The following ACKR3 variants were observed in gnomAD, a reference collection of about 807,000 sequenced individuals.
The protein encoded by ACKR3 is atypical chemokine receptor 3, also known as C-X-C chemokine receptor type 7.
ACKR3 carries 6 observed loss-of-function variants against 22.4 expected under a neutral mutation model. That is an observed-to-expected ratio of 0.27 (90% CI 0.15 to 0.53). The LOEUF is 0.53. Ranked by LOEUF, ACKR3 falls within the 20% of genes least tolerant of loss-of-function variation. The pLI is 0.96. For synonymous variants in ACKR3, 209 were observed against 205.2 expected (o/e 1.02, Z -0.16); for missense variants, 396 against 475.2 (o/e 0.83, Z 1.55).
chr2:236,573,603 T>A (rs1691352125), intron 1 of ACKR3, among the ~76,000 whole-genome samples: 1 of 152,224 alleles, frequency 6.6e-6, no homozygotes, highest in Non-Finnish European at 1.5e-5. Context: ...AGGGCCCAGA[T>A]GGCCAGAGGG....
In ACKR3 at chr2:236,574,270, G is replaced by T. The variant is rs1335422889; in HGVS notation, c.-27+4346G>T. ...CTGCTGGCCACAGTCGCTGGTCTTGGTGGGGCACGATTAACTGCTGGCTCA... is the reference window on the plus strand; with the variant it reads ...CTGCTGGCCACAGTCGCTGGTCTTGTTGGGGCACGATTAACTGCTGGCTCA... On this transcript the variant is annotated intron_variant, in intron 1 of 1. Coordinates refer to ENST00000272928, the MANE Select transcript of ACKR3 (RefSeq NM_020311.3). The surrounding 1 kb of genome is among the most constrained non-coding windows in gnomAD (Gnocchi z 5.6). Among the ~76,000 whole-genome samples the T allele has an allele frequency of 6.6e-6, 1 of 152,132 alleles. No individual in the cohort carries two copies. Among genetic ancestry groups the T allele is most frequent in the African/African-American group, 2.4e-5 (1 of 41,402 alleles).
Position 236,581,719 on chromosome 2 carries a change from G to A in ACKR3, c.*165G>A, listed in dbSNP as rs1177314783. 5.2e-5 allele frequency: 48 copies of A among 919,184 alleles called. No individual in the cohort carries two copies. The highest frequency in any genetic ancestry group is 7.1e-5 in the Non-Finnish European group (44 of 623,494). 56.9% of individuals were successfully genotyped at this position (919,184 alleles called of 1,614,324 possible). ...TCCATTCTCTCTTTCTCTTGATGACGCAGCTGTCATTTGGCTGTGCGTGCT... is the reference window on the plus strand; with the variant it reads ...TCCATTCTCTCTTTCTCTTGATGACACAGCTGTCATTTGGCTGTGCGTGCT... On this transcript the variant is annotated 3_prime_UTR_variant, in exon 2 of 2. Transcript: ENST00000272928. The surrounding 1 kb of genome is among the most constrained non-coding windows in gnomAD (Gnocchi z 4.4).
the ACKR3 span, among the ~76,000 whole-genome samples, chr2:236,546,672 C>T: frequency 2.6e-5 from 4 of 152,186 alleles, no homozygotes; most frequent in South Asian, 8.3e-4. This position sits in a 1 kb window ranked among gnomAD's most constrained non-coding sequence, Gnocchi z 4.9. Context: ...GTGCGCAGAG[C>T]ACCAGAGGCA....
At chr2:236,557,237 T>C in the ACKR3 span, among the ~76,000 whole-genome samples, 1 of 150,264 alleles carries the variant, frequency 6.7e-6, no homozygotes, top group East Asian at 1.9e-4. Flanking sequence ...TATGTGCATA[T>C]ATATTTTCAT....
intron 1 of ACKR3, among the ~76,000 whole-genome samples, chr2:236,571,101 G>A (rs1470696845): frequency 1.3e-5 from 2 of 152,208 alleles, no homozygotes. Flanking sequence ...AGCAAAGAAA[G>A]TGGAGGCTGC....
At chr2:236,552,206 G>C in the ACKR3 span, among the ~76,000 whole-genome samples, 2 of 152,208 alleles carry the variant, frequency 1.3e-5, no homozygotes, top group East Asian at 3.8e-4. Context: ...TGAAAGGAGA[G>C]TGAAAAGGGA....
intron 1 of ACKR3, 147 bp from the exon 2 acceptor site, chr2:236,580,293 C>T (rs1691491618): frequency 5.5e-6 from 4 of 728,908 alleles, no homozygotes; most frequent in African/African-American, 1.8e-5. Flanking sequence ...TTTTTTTTCT[C>T]CCTTCTTTGC....
Position 236,580,872 on chromosome 2 carries a change from C to T in ACKR3, c.407C>T (p.Thr136Met), listed in dbSNP as rs371788658. 1.4e-5 allele frequency: 22 copies of T among 1,614,106 alleles called. No individual in the cohort carries two copies. The highest frequency in any genetic ancestry group is 4.5e-5 in the East Asian group (2 of 44,906). The change falls in exon 2 of 2, where the codon ACG becomes ATG. Residue 136 changes from threonine (T) to methionine (M), a missense_variant. Thr to Met is a moderately conservative substitution (Grantham distance 81). Transcript: ENST00000272928. ...CTCTTCGGCAGCATTTTCTTCCTCA[C>T]GTGCATGAGCGTGGACCGCTACCTC... ...INLFGSIFFL[T>M]CMSVDRYLSI...
chr2:236,545,537 T>A, the ACKR3 span, among the ~76,000 whole-genome samples: 1 of 152,190 alleles, frequency 6.6e-6, no homozygotes, highest in African/African-American at 2.4e-5. This position sits in a 1 kb window ranked among gnomAD's most constrained non-coding sequence, Gnocchi z 5.3. Flanking sequence ...GTTTAGACGA[T>A]GATGTTCAAG....
At position 236,580,655 on chromosome 2, in the gene ACKR3, G is replaced by T. The variant is rs114269199; in HGVS notation, c.190G>T (p.Val64Leu). Residue 64 changes from valine (V) to leucine (L), a missense_variant, in exon 2 of 2, where the codon GTG (valine) becomes TTG (leucine). Physicochemically the swap from Val to Leu is conservative, Grantham distance 32. Coordinates refer to ENST00000272928, the MANE Select transcript of ACKR3 (RefSeq NM_020311.3). ...IFVIGMIANS[V>L]VVWVNIQAKT... is the part of the protein sequence containing the mutation. ...CGTCATCGGCATGATTGCCAACTCCGTGGTGGTCTGGGTGAATATCCAGGC... is the reference window on the plus strand; with the variant it reads ...CGTCATCGGCATGATTGCCAACTCCTTGGTGGTCTGGGTGAATATCCAGGC... The T allele has an allele frequency of 4.3e-6, 7 of 1,613,950 alleles. No individual in the cohort carries two copies. In the African/African-American group the frequency reaches 5.3e-5, roughly 12 times the overall value.
the ACKR3 span, among the ~76,000 whole-genome samples, chr2:236,554,102 T>C: frequency 0.24 from 36,684 of 152,168 alleles, 6,501 homozygotes; most frequent in African/African-American, 0.5. Flanking sequence ...AAGATGTCAC[T>C]GGAAAAAGTC....
At chr2:236,573,220 C>T (rs539539688) in intron 1 of ACKR3, among the ~76,000 whole-genome samples, 7 of 152,282 alleles carry the variant, frequency 4.6e-5, no homozygotes, top group East Asian at 3.9e-4. Flanking sequence ...CTCAATGATG[C>T]GCAGTTGCCT....
chr2:236,561,120 AGAGTGGAATGATGGTTACTAGAGGC>A, the ACKR3 span, among the ~76,000 whole-genome samples: 2 of 152,270 alleles, frequency 1.3e-5, no homozygotes, highest in South Asian at 4.1e-4. Flanking sequence ...ATAGAATCAA[AGAGTGGAATGATGGTTACTAGAGGC>A]GAGAGTTTGG....
At chr2:236,543,713 C>A in the ACKR3 span, among the ~76,000 whole-genome samples, 1 of 151,816 alleles carries the variant, frequency 6.6e-6, no homozygotes, top group Non-Finnish European at 1.5e-5. Context: ...GATGTTTGAA[C>A]TACTACCTTG....
At chr2:236,543,710 G>T in the ACKR3 span, among the ~76,000 whole-genome samples, 2 of 151,932 alleles carry the variant, frequency 1.3e-5, no homozygotes, top group Admixed American at 1.3e-4. Context: ...CTGGATGTTT[G>T]AACTACTACC....
chr2:236,564,983 C>T (rs142580902), upstream of ACKR3, among the ~76,000 whole-genome samples: 260 of 152,296 alleles, frequency 1.7e-3, 2 homozygotes, highest in African/African-American at 6.2e-3. Flanking sequence ...AAAACATGAA[C>T]ACTCAGATTT....
chr2:236,554,183 CT>C, the ACKR3 span, among the ~76,000 whole-genome samples: 1 of 152,188 alleles, frequency 6.6e-6, no homozygotes, highest in Non-Finnish European at 1.5e-5. Flanking sequence ...GACATAGTCC[CT>C]TAACTTCGAG....
At chr2:236,568,860 C>G (rs1691245965), upstream of ACKR3, among the ~76,000 whole-genome samples, 1 of 152,188 alleles carries the variant, frequency 6.6e-6, no homozygotes, top group Non-Finnish European at 1.5e-5. Flanking sequence ...ATACACTCCA[C>G]TTGAGCCGCT....
chr2:236,546,543 A>G, the ACKR3 span, among the ~76,000 whole-genome samples: 2 of 152,254 alleles, frequency 1.3e-5, no homozygotes, highest in Non-Finnish European at 2.9e-5. This position sits in a 1 kb window ranked among gnomAD's most constrained non-coding sequence, Gnocchi z 4.9. Flanking sequence ...ACATCCAAAG[A>G]TGAGCAGACA....
Sources: allele counts gnomAD v4.1 joint callset (sites outside exome capture counted in the v4.1 genomes callset), GRCh38; gene constraint gnomAD v4.1.1; non-coding constraint Gnocchi (gnomAD v3.1); transcripts MANE v1.5; gene names NCBI Gene and HGNC (gene_info 2026-07-23, HGNC 2026-07-21).